The following RALGAPA2 variants were observed in gnomAD, a reference collection of about 807,000 sequenced individuals.
RALGAPA2 encodes the protein ral GTPase-activating protein subunit alpha-2.
Under a neutral mutation model 230.4 loss-of-function variants are expected in RALGAPA2, and 139 were observed. The ratio of observed to expected loss-of-function variants is 0.60; its 90% CI spans 0.53 to 0.69. RALGAPA2 has a LOEUF of 0.69. RALGAPA2 is among the 30% of genes least tolerant of loss of function. The pLI is 0.00. For synonymous variants in RALGAPA2, 847 were observed against 837.8 expected (o/e 1.01, Z -0.19); for missense variants, 2,163 against 2,276.0 (o/e 0.95, Z 1.01).
At chr20:20,528,269 C>T (rs948008364) in intron 27 of RALGAPA2, among the ~76,000 whole-genome samples, 28 of 152,336 alleles carry the variant, frequency 1.8e-4, no homozygotes, top group African/African-American at 6.5e-4. Flanking sequence ...AGAACACCAA[C>T]AGAGTGCCAT....
At chr20:20,457,370 C>G (rs145240060) in intron 37 of RALGAPA2, among the ~76,000 whole-genome samples, 50 of 152,308 alleles carry the variant, frequency 3.3e-4, no homozygotes, top group African/African-American at 9.6e-4. Context: ...TTTTGTCGCA[C>G]ACACGAGTTT....
In RALGAPA2 at chr20:20,503,471, G is replaced by A; in HGVS notation, c.5088C>T (p.Gly1696=). The A allele has an allele frequency of 6.2e-7, 1 of 1,601,938 alleles. No individual in the cohort carries two copies. ...GCCCGGTGCTGCCATTGCGCTGAAG[G>A]CCACCCATGAACCCACAGTGGGTGG... ...DLSTHCGFMG[G]LQRNGSTGQT... is the part of the protein sequence containing the mutation. Residue 1696 remains glycine, a synonymous_variant, in exon 35 of 40, where the codon GGC becomes GGT. Coordinates refer to ENST00000202677, the MANE Select transcript of RALGAPA2 (RefSeq NM_020343.4).
chr20:20,435,172 T>C (rs1283496505), intron 37 of RALGAPA2, among the ~76,000 whole-genome samples: 1 of 152,244 alleles, frequency 6.6e-6, no homozygotes, highest in Non-Finnish European at 1.5e-5. Flanking sequence ...AAGGAGGCCC[T>C]GCACAGCCAC....
chr20:20,393,029 G>C lies in RALGAPA2; in HGVS notation c.*260C>G, dbSNP rs2059629091. 3.2e-6 allele frequency: 4 copies of C among 1,240,414 alleles called. No individual in the cohort carries two copies. Among genetic ancestry groups the C allele is most frequent in the Non-Finnish European group, 4.3e-6 (4 of 931,226 alleles). 76.8% of individuals were successfully genotyped at this position (1,240,414 alleles called of 1,614,324 possible). On this transcript the variant is annotated 3_prime_UTR_variant, in exon 40 of 40. Transcript: ENST00000202677. Reference sequence around the variant, plus strand: ...CAAGGTTTGTGAGGTTTCAGGACAAGATGATACAGCCTAGTTTGAGTCCCA... The same window carrying C: ...CAAGGTTTGTGAGGTTTCAGGACAACATGATACAGCCTAGTTTGAGTCCCA...
In RALGAPA2 at chr20:20,513,321, G is replaced by A. The variant is rs772231224; in HGVS notation, c.4085-37C>T. The stretch of plus-strand genomic sequence containing the variant: ...GGTAAAGAAACATAAAGAGTCAGTG[G>A]TGAATGAAGATTAAAACTCAACACC... On this transcript the variant is annotated intron_variant, in intron 31 of 39. Coordinates refer to ENST00000202677, the MANE Select transcript of RALGAPA2 (RefSeq NM_020343.4). The A allele has an allele frequency of 3.7e-6, 5 of 1,340,040 alleles. No individual in the cohort carries two copies. The East Asian group carries it at 1.3e-4, about 35-fold the overall frequency. The allele number at this position is 1,340,040 out of a possible 1,614,324, so 83.0% of individuals were successfully genotyped here.
Position 20,676,069 on chromosome 20 carries a change from A to G in RALGAPA2, c.270+167T>C, listed in dbSNP as rs16982073. 8.5e-3 allele frequency among the ~76,000 whole-genome samples: 1,292 copies of G among 152,238 alleles called. 17 individuals carry two copies. The highest frequency in any genetic ancestry group is 0.029 in the African/African-American group (1,225 of 41,538). ...AAAAAAAGAAAATCACGAGAAAATT[A>G]TTTGTAGCACAGTTTGTAAAAGTGG... On this transcript the variant is annotated intron_variant, in intron 3 of 39. Transcript: ENST00000202677.
chr20:20,532,402 A>G (rs912741786), intron 26 of RALGAPA2, among the ~76,000 whole-genome samples: 1 of 152,202 alleles, frequency 6.6e-6, no homozygotes, highest in African/African-American at 2.4e-5. Context: ...CACTAAAGAA[A>G]GAGAGAGGAA....
chr20:20,633,181 C>T (rs2066744835), intron 9 of RALGAPA2, among the ~76,000 whole-genome samples: 1 of 151,762 alleles, frequency 6.6e-6, no homozygotes, highest in African/African-American at 2.4e-5. Flanking sequence ...GTTGCCCAGA[C>T]TGGAATGCAG....
intron 10 of RALGAPA2, among the ~76,000 whole-genome samples, chr20:20,623,778 G>C (rs2066398348): frequency 6.6e-6 from 1 of 152,134 alleles, no homozygotes; most frequent in African/African-American, 2.4e-5. Flanking sequence ...GTTATTACAT[G>C]TCTTTTTAAT....
At chr20:20,555,097 T>C (rs1286712046) in intron 23 of RALGAPA2, among the ~76,000 whole-genome samples, 1 of 152,190 alleles carries the variant, frequency 6.6e-6, no homozygotes, top group Non-Finnish European at 1.5e-5. Flanking sequence ...TTAATTTGTG[T>C]ATATGGTGTG....
chr20:20,410,330 T>C (rs751509406), intron 38 of RALGAPA2, among the ~76,000 whole-genome samples: 7 of 152,256 alleles, frequency 4.6e-5, no homozygotes, highest in Admixed American at 2.0e-4. Flanking sequence ...TTTGATAATA[T>C]CTTAATAATC....
At chr20:20,593,169 C>T (rs1602983351) in intron 16 of RALGAPA2, among the ~76,000 whole-genome samples, 1 of 152,238 alleles carries the variant, frequency 6.6e-6, no homozygotes, top group African/African-American at 2.4e-5. Flanking sequence ...TTCCAAAGTG[C>T]TGGGATTGCA....
chr20:20,571,278 G>A (rs1309183789), intron 23 of RALGAPA2, among the ~76,000 whole-genome samples, 180 bp downstream of exon 23: 1 of 152,206 alleles, frequency 6.6e-6, no homozygotes, highest in East Asian at 1.9e-4. Flanking sequence ...AGAAGAAGCA[G>A]GGATGTGAAA....
intron 37 of RALGAPA2, among the ~76,000 whole-genome samples, chr20:20,443,940 T>C (rs965951173): frequency 1.3e-5 from 2 of 152,384 alleles, no homozygotes; most frequent in African/African-American, 2.4e-5. Flanking sequence ...GCTAAGGGGC[T>C]GCTTAATGCC....
chr20:20,494,274 T>C (rs567059655), intron 36 of RALGAPA2, among the ~76,000 whole-genome samples: 3 of 152,154 alleles, frequency 2.0e-5, no homozygotes, highest in African/African-American at 7.2e-5. Flanking sequence ...TTCAGCTCCT[T>C]CAGGAGAACA....
In RALGAPA2 at chr20:20,389,876, T is replaced by C. The variant is rs1345619234; in HGVS notation, c.*3413A>G. On this transcript the variant is annotated 3_prime_UTR_variant, in exon 40 of 40. Coordinates refer to ENST00000202677, the MANE Select transcript of RALGAPA2 (RefSeq NM_020343.4). ...GCAAAATAAGAATCAAATGACACGC[T>C]ATAACTTAATTTACCATATTTATCA... 2 of 152,124 alleles carry C rather than the reference T, an allele frequency of 1.3e-5. No individual in the cohort carries two copies. The highest frequency in any genetic ancestry group is 4.8e-5 in the African/African-American group (2 of 41,412). The allele number at this position is 152,124 out of a possible 1,614,324, so 9.4% of individuals were successfully genotyped here.
At chr20:20,513,347 T>C in intron 31 of RALGAPA2, 63 bp from the exon 32 acceptor site, 1 of 1,211,732 alleles carries the variant, frequency 8.3e-7, no homozygotes. Flanking sequence ...ACTCAACACC[T>C]TTTTTTTGGG....
At chr20:20,403,959 T>C (rs746739371) in intron 38 of RALGAPA2, among the ~76,000 whole-genome samples, 4 of 152,120 alleles carry the variant, frequency 2.6e-5, no homozygotes, top group South Asian at 2.1e-4. Flanking sequence ...GATGCTGGGA[T>C]GGTGGAGGCC....
At chr20:20,415,573 T>G (rs1294767520) in intron 37 of RALGAPA2, among the ~76,000 whole-genome samples, 1 of 152,244 alleles carries the variant, frequency 6.6e-6, no homozygotes, top group Admixed American at 6.5e-5. Flanking sequence ...CCACTCATTC[T>G]GTTCACATTT....
Sources: gnomAD v4.1 joint callset for allele counts (sites outside exome capture counted in the v4.1 genomes callset) on GRCh38, gnomAD v4.1.1 for gene constraint, MANE v1.5 for transcripts, NCBI Gene and HGNC (gene_info 2026-07-23, HGNC 2026-07-21) for gene names.